The following NDUFS4 variants were observed in gnomAD, a reference collection of about 807,000 sequenced individuals.
The protein encoded by NDUFS4 is NADH dehydrogenase [ubiquinone] iron-sulfur protein 4, mitochondrial.
Under a neutral mutation model 24.3 loss-of-function variants are expected in NDUFS4, and 28 were observed. The observed-to-expected ratio is 1.15, with a 90% CI of 0.85 to 1.58. NDUFS4 has a LOEUF of 1.58. Ranked by LOEUF, NDUFS4 falls within the 40% of genes most tolerant of loss-of-function variation. The pLI is 0.00. For missense variants in NDUFS4, 223 were observed against 207.9 expected (o/e 1.07, Z -0.45); for synonymous variants, 93 against 69.7 (o/e 1.34, Z -1.67).
intron 2 of NDUFS4, among the ~76,000 whole-genome samples, chr5:53,627,885 C>G (rs1751279598): frequency 6.6e-6 from 1 of 152,100 alleles, no homozygotes; most frequent in Non-Finnish European, 1.5e-5. Context: ...CTTTCTCTTG[C>G]CCGATTGCCC....
chr5:53,585,992 C>T (rs1431704237), intron 1 of NDUFS4, among the ~76,000 whole-genome samples: 1 of 152,000 alleles, frequency 6.6e-6, no homozygotes, highest in Non-Finnish European at 1.5e-5. Context: ...AATGGCATTG[C>T]TTTGCTGACT....
At chr5:53,583,226 A>G (rs991986863) in intron 1 of NDUFS4, among the ~76,000 whole-genome samples, 2 of 152,188 alleles carry the variant, frequency 1.3e-5, no homozygotes, top group East Asian at 1.9e-4. Context: ...CAATATAGCC[A>G]TCATGGACAA....
At chr5:53,617,264 T>C (rs960979095) in intron 2 of NDUFS4, among the ~76,000 whole-genome samples, 2 of 152,178 alleles carry the variant, frequency 1.3e-5, no homozygotes, top group African/African-American at 4.8e-5. Context: ...GTTCTGCCTC[T>C]CCTTTCCCCC....
At chr5:53,599,381 A>T (rs1579855499) in intron 1 of NDUFS4, among the ~76,000 whole-genome samples, 1 of 152,128 alleles carries the variant, frequency 6.6e-6, no homozygotes, top group East Asian at 1.9e-4. Flanking sequence ...TTACATTCCC[A>T]TAAGGGTACC....
At chr5:53,618,339 T>C (rs1162837658) in intron 2 of NDUFS4, among the ~76,000 whole-genome samples, 1 of 152,176 alleles carries the variant, frequency 6.6e-6, no homozygotes, top group Non-Finnish European at 1.5e-5. Context: ...TCTTCCTTTT[T>C]TTGCTACTTG....
intron 2 of NDUFS4, chr5:53,604,859 G>A (rs1750448852): frequency 2.2e-6 from 1 of 456,210 alleles, no homozygotes; most frequent in Non-Finnish European, 4.4e-6. Context: ...TAATCCTGAG[G>A]ACTTCATCCG....
intron 1 of NDUFS4, among the ~76,000 whole-genome samples, chr5:53,591,452 TG>T (rs1749952824): frequency 2.9e-4 from 17 of 59,624 alleles, no homozygotes; most frequent in Admixed American, 2.5e-3. Context: ...ACTTTTTGTT[TG>T]TTTTTTTTGG....
At chr5:53,587,372 GT>G (rs1228608082) in intron 1 of NDUFS4, among the ~76,000 whole-genome samples, 1 of 152,016 alleles carries the variant, frequency 6.6e-6, no homozygotes, top group Non-Finnish European at 1.5e-5. Context: ...GAAAAGTGGA[GT>G]GCTGTGAATC....
chr5:53,603,302 G>T (rs1255444259), intron 1 of NDUFS4, 150 bp from the exon 2 acceptor site: 1 of 637,594 alleles, frequency 1.6e-6, no homozygotes, highest in Non-Finnish European at 2.7e-6. Context: ...CAGAGAAAAA[G>T]GACTTTTGTG....
At chr5:53,607,740 A>G (rs1020355929) in intron 2 of NDUFS4, among the ~76,000 whole-genome samples, 1 of 152,200 alleles carries the variant, frequency 6.6e-6, no homozygotes, top group Non-Finnish European at 1.5e-5. Flanking sequence ...TTTTCTAACT[A>G]CATATCTGTA....
intron 1 of NDUFS4, among the ~76,000 whole-genome samples, chr5:53,578,362 AC>A (rs1749452887): frequency 6.6e-6 from 1 of 152,180 alleles, no homozygotes; most frequent in African/African-American, 2.4e-5. Context: ...ATAGACTCTT[AC>A]CAGTGTCCTT....
chr5:53,586,392 T>C (rs905253971), intron 1 of NDUFS4, among the ~76,000 whole-genome samples: 2 of 151,998 alleles, frequency 1.3e-5, no homozygotes, highest in East Asian at 3.8e-4. Context: ...TAGTAACTTA[T>C]TACTAAATCT....
At chr5:53,682,715 T>G (rs1740707615) in intron 4 of NDUFS4, among the ~76,000 whole-genome samples, 1 of 152,010 alleles carries the variant, frequency 6.6e-6, no homozygotes, top group Non-Finnish European at 1.5e-5. Flanking sequence ...TCCAAACTCT[T>G]GTAAAGAAAC....
chr5:53,682,823 T>A (rs1740712136), intron 4 of NDUFS4, among the ~76,000 whole-genome samples: 1 of 152,120 alleles, frequency 6.6e-6, no homozygotes, highest in Admixed American at 6.6e-5. Flanking sequence ...TAATGGAAAT[T>A]TTTATGTAAT....
At chr5:53,597,431 T>G (rs1173729502) in intron 1 of NDUFS4, among the ~76,000 whole-genome samples, 1 of 152,128 alleles carries the variant, frequency 6.6e-6, no homozygotes, top group East Asian at 1.9e-4. Flanking sequence ...CAAAGAAATT[T>G]GGAGTCACAG....
chr5:53,666,141 G>A (rs867680707), intron 4 of NDUFS4, among the ~76,000 whole-genome samples: 4 of 152,086 alleles, frequency 2.6e-5, no homozygotes, highest in Non-Finnish European at 5.9e-5. Context: ...TTTGTGAACT[G>A]TAACATAGTT....
In NDUFS4 at chr5:53,658,589, C is replaced by G. The variant is rs761800077; in HGVS notation, c.389C>G (p.Thr130Ser). ...PLSNMVLTFS[T>S]KEDAVSFAEK... ...TCCAACATGGTTCTAACCTTCAGTA[C>G]TAAAGAAGATGCAGTTTCCTTTGCA... The change falls in exon 4 of 5, where the codon ACT becomes AGT. Residue 130 changes from threonine to serine, a missense_variant. Coordinates refer to ENST00000296684, the MANE Select transcript of NDUFS4 (RefSeq NM_002495.4). 1 of 1,613,234 alleles carries G rather than the reference C, an allele frequency of 6.2e-7. No homozygotes were observed. Among genetic ancestry groups the G allele is most frequent in the African/African-American group, 1.3e-5 (1 of 74,948 alleles).
chr5:53,633,674 G>C (rs966254261), intron 2 of NDUFS4, among the ~76,000 whole-genome samples: 2 of 152,050 alleles, frequency 1.3e-5, no homozygotes, highest in Non-Finnish European at 2.9e-5. Flanking sequence ...TTGTTAATCC[G>C]TCTTTTGTTT....
At position 53,683,284 on chromosome 5, in the gene NDUFS4, C is replaced by T. The variant is rs1385202937; in HGVS notation, c.*63C>T. The stretch of plus-strand genomic sequence containing the variant: ...AGTCAGCTGTGCAGTATTTATAGTC[C>T]ATGTATAATAAATACATCTCTTAAT... On this transcript the variant is annotated 3_prime_UTR_variant, in exon 5 of 5. Coordinates refer to ENST00000296684, the MANE Select transcript of NDUFS4 (RefSeq NM_002495.4). 2 of 1,152,642 alleles carry T rather than the reference C, an allele frequency of 1.7e-6. No homozygotes were observed. Among genetic ancestry groups the T allele is most frequent in the Admixed American group, 3.4e-5 (2 of 58,744 alleles). The allele number at this position is 1,152,642 out of a possible 1,614,324, so 71.4% of individuals were successfully genotyped here.
Sources: allele counts gnomAD v4.1 joint callset (sites outside exome capture counted in the v4.1 genomes callset), GRCh38; gene constraint gnomAD v4.1.1; transcripts MANE v1.5; gene names NCBI Gene and HGNC (gene_info 2026-07-23, HGNC 2026-07-21).